SLC5A7: variants seen among roughly 807,000 people sequenced by gnomAD.
The protein encoded by SLC5A7 is solute carrier family 5 member 7, also known as high affinity choline transporter 1.
In SLC5A7, 19 loss-of-function variants were observed where a neutral mutation model predicts 55.4. The observed-to-expected ratio is 0.34, with a 90% confidence interval of 0.24 to 0.50. The LOEUF (loss-of-function observed/expected upper bound fraction) is 0.50. SLC5A7 is among the 20% of genes least tolerant of loss of function. The pLI, the probability that SLC5A7 is intolerant of heterozygous loss-of-function variation, is 0.98. For synonymous variants in SLC5A7, 265 were observed against 263.7 expected (o/e 1.00, Z -0.05); for missense variants, 506 against 705.3 (o/e 0.72, Z 3.20).
chr2:108,001,100 T>C (rs1326145633), intron 5 of SLC5A7, among the ~76,000 whole-genome samples: 1 of 151,766 alleles, frequency 6.6e-6, no homozygotes, highest in Non-Finnish European at 1.5e-5. Context: ...GTTTGTGTTA[T>C]CCAACATTTA....
At chr2:107,995,049 TAGATGCATTCTGAG>T (rs1351254396) in intron 4 of SLC5A7, among the ~76,000 whole-genome samples, 1 of 152,230 alleles carries the variant, frequency 6.6e-6, no homozygotes, top group African/African-American at 2.4e-5. Context: ...CTTAAGGATG[TAGATGCATTCTGAG>T]AGATGCATCA....
Position 108,008,557 on chromosome 2 carries a change from G to A in SLC5A7, c.988G>A (p.Val330Met), listed in dbSNP as rs746802512. The A allele has an allele frequency of 6.8e-6, 11 of 1,613,502 alleles. No homozygotes were observed. Among genetic ancestry groups the A allele is most frequent in the Non-Finnish European group, 9.3e-6 (11 of 1,179,794 alleles). ...LPIVLQYLCP[V>M]YISFFGLGAV... ...AATTGTTCTGCAGTATCTCTGCCCT[G>A]TGTATATTTCTTTCTTTGGTCTTGG... The change falls in exon 8 of 9, where the codon GTG becomes ATG. Residue 330 changes from valine (V) to methionine (M), a missense_variant. By Grantham distance (21) the Val-to-Met change is conservative. Coordinates refer to ENST00000264047, the MANE Select transcript of SLC5A7 (RefSeq NM_021815.5).
At chr2:107,986,827 G>C (rs115291594) in intron 1 of SLC5A7, 64 bp downstream of exon 1, 1 of 152,080 alleles carries the variant, frequency 6.6e-6, no homozygotes, top group Admixed American at 6.6e-5. Context: ...CTTGGGCACC[G>C]AGCCCGGGCG....
intron 4 of SLC5A7, 42 bp from the exon 5 acceptor site, chr2:107,997,796 T>C (rs1677724969): frequency 6.5e-7 from 1 of 1,532,286 alleles, no homozygotes; most frequent in Non-Finnish European, 8.8e-7. Context: ...GAGCAGAATC[T>C]GTCTGGGCAC....
chr2:108,006,783 CCA>C (rs1209561873), intron 7 of SLC5A7, among the ~76,000 whole-genome samples: 2 of 152,056 alleles, frequency 1.3e-5, no homozygotes, highest in African/African-American at 4.8e-5. Flanking sequence ...GAGTTGAGAG[CCA>C]GAGTTGAGAG....
At position 108,008,538 on chromosome 2, in the gene SLC5A7, T is replaced by A. The variant is rs1210101800; in HGVS notation, c.969T>A (p.Val323=). Reference sequence around the variant, plus strand: ...AGGCAGACATGATTTTACCAATTGTTCTGCAGTATCTCTGCCCTGTGTATA... The same window carrying A: ...AGGCAGACATGATTTTACCAATTGTACTGCAGTATCTCTGCCCTGTGTATA... The part of the protein sequence containing the change: ...TEEADMILPI[V]LQYLCPVYIS... Residue 323 remains valine (V), a synonymous_variant, in exon 8 of 9, where the codon GTT becomes GTA. Coordinates refer to ENST00000264047, the MANE Select transcript of SLC5A7 (RefSeq NM_021815.5). The A allele has an allele frequency of 6.2e-7, 1 of 1,613,730 alleles. No homozygotes were observed. Among genetic ancestry groups the A allele is most frequent in the Non-Finnish European group, 8.5e-7 (1 of 1,179,876 alleles).
chr2:108,003,950 G>A (rs888092990), intron 6 of SLC5A7, among the ~76,000 whole-genome samples: 8 of 152,112 alleles, frequency 5.3e-5, no homozygotes, highest in Admixed American at 3.3e-4. Context: ...TACACTTCTC[G>A]TTGTGCCCTC....
intron 7 of SLC5A7, 101 bp downstream of exon 7, chr2:108,006,303 C>A (rs1051607994): frequency 2.3e-6 from 3 of 1,297,598 alleles, no homozygotes; most frequent in African/African-American, 1.5e-5. Context: ...ATAGTGAATT[C>A]TTTCTCACCA....
Position 108,001,909 on chromosome 2 carries a change from C to T in SLC5A7, c.610C>T (p.Pro204Ser). ...CTTTCTGTTGCAGTGGATCAGCGTC[C>T]CCTTTGCATTGTCACATCCTGCAGT... ...CIFVGLWISVPFALSHPAVAD... is the reference protein window; with the variant it reads ...CIFVGLWISVSFALSHPAVAD... Residue 204 changes from proline to serine, a missense_variant, in exon 6 of 9, where the codon CCC (proline) becomes TCC (serine). By Grantham distance (74) the Pro-to-Ser change is moderately conservative. Coordinates refer to ENST00000264047, the MANE Select transcript of SLC5A7 (RefSeq NM_021815.5). 6.2e-7 allele frequency: 1 copy of T among 1,614,048 alleles called. No individual in the cohort carries two copies. The highest frequency in any genetic ancestry group is 8.5e-7 in the Non-Finnish European group (1 of 1,179,988).
chr2:107,986,744 G>T lies in SLC5A7; in HGVS notation c.-71G>T, dbSNP rs1042599475. On this transcript the variant is annotated 5_prime_UTR_variant, in exon 1 of 9. Transcript: ENST00000264047. Reference sequence around the variant, plus strand: ...CGGCGGCCCCGGGCGGAGCGCTTTCGCGTGCAGCCACCACTCCAGGTAGGA... The same window carrying T: ...CGGCGGCCCCGGGCGGAGCGCTTTCTCGTGCAGCCACCACTCCAGGTAGGA... 6.6e-5 allele frequency: 10 copies of T among 152,456 alleles called. No homozygotes were observed. The highest frequency in any genetic ancestry group is 2.0e-4 in the Admixed American group (3 of 15,282). 9.4% of individuals were successfully genotyped at this position (152,456 alleles called of 1,614,324 possible).
rs766603898 is a variant in SLC5A7 at position 107,992,156 on chromosome 2, G to A, written c.229G>A (p.Val77Ile). ...YINGTAEAVY[V>I]PGYGLAWAQA... ...CAATGGCACAGCTGAAGCAGTTTAT[G>A]TACCAGGTTATGGCCTAGCTTGGGC... The change falls in exon 3 of 9, where the codon GTA becomes ATA. Residue 77 changes from valine (V) to isoleucine (I), a missense_variant. Transcript: ENST00000264047. The A allele has an allele frequency of 5.0e-6, 8 of 1,613,736 alleles. No homozygotes were observed. The highest frequency in any genetic ancestry group is 6.8e-6 in the Non-Finnish European group (8 of 1,179,790).
chr2:108,001,690 G>GAA (rs549485494), intron 5 of SLC5A7, among the ~76,000 whole-genome samples: 1 of 136,616 alleles, frequency 7.3e-6, no homozygotes, highest in Non-Finnish European at 1.6e-5. Context: ...AAAAAAAAAA[G>GAA]AAAAGAAATA....
Position 107,993,027 on chromosome 2 carries a change from C to T in SLC5A7, c.348C>T (p.Asp116=), listed in dbSNP as rs758492035. 17 of 1,614,096 alleles carry T rather than the reference C, an allele frequency of 1.1e-5. No individual in the cohort carries two copies. The African/African-American group carries it at 1.9e-4, about 18-fold the overall frequency. The change falls in exon 4 of 9, where the codon GAC becomes GAT. Residue 116 remains aspartate (D), a synonymous_variant. Transcript: ENST00000264047. ...CAAAGGGGTATGTGACCATGTTAGA[C>T]CCGTTTCAGCAAATCTATGGAAAAC... ...MRSKGYVTML[D]PFQQIYGKRM...
chr2:108,007,165 A>T (rs1399422547), intron 7 of SLC5A7, among the ~76,000 whole-genome samples: 4 of 152,144 alleles, frequency 2.6e-5, no homozygotes, highest in African/African-American at 9.7e-5. Flanking sequence ...ATTCAAAGGC[A>T]TCTTCTACGT....
At chr2:108,008,917 A>G (rs892761009) in intron 8 of SLC5A7, among the ~76,000 whole-genome samples, 1 of 151,568 alleles carries the variant, frequency 6.6e-6, no homozygotes, top group Admixed American at 6.6e-5. Context: ...TTATTTCCCA[A>G]GAGGTACAGT....
intron 6 of SLC5A7, among the ~76,000 whole-genome samples, chr2:108,004,656 G>A (rs1291377712): frequency 6.6e-6 from 1 of 152,154 alleles, no homozygotes; most frequent in Non-Finnish European, 1.5e-5. Flanking sequence ...TATGCTTCCA[G>A]CTTCTCCTCC....
chr2:108,001,014 G>C (rs1677870276), intron 5 of SLC5A7, among the ~76,000 whole-genome samples: 1 of 137,692 alleles, frequency 7.3e-6, no homozygotes, highest in African/African-American at 2.8e-5. Context: ...TGCAACCTCT[G>C]CCTCCAAGGT....
chr2:107,988,493 AT>A (rs1677330598), intron 2 of SLC5A7, among the ~76,000 whole-genome samples, 160 bp downstream of exon 2: 1 of 152,198 alleles, frequency 6.6e-6, no homozygotes, highest in Non-Finnish European at 1.5e-5. Context: ...TTTTCTATTG[AT>A]TTAAAACCTA....
At chr2:107,989,565 G>A (rs549298516) in intron 2 of SLC5A7, among the ~76,000 whole-genome samples, 1 of 152,128 alleles carries the variant, frequency 6.6e-6, no homozygotes, top group African/African-American at 2.4e-5. Context: ...GGAGATCCCG[G>A]GTTACAAGGT....
Sources: allele counts gnomAD v4.1 joint callset (sites outside exome capture counted in the v4.1 genomes callset), GRCh38; gene constraint gnomAD v4.1.1; transcripts MANE v1.5; gene names NCBI Gene and HGNC (gene_info 2026-07-23, HGNC 2026-07-21).